The following SPAG7 variants were observed in gnomAD, a reference collection of about 807,000 sequenced individuals.
SPAG7 encodes sperm-associated antigen 7.
SPAG7 carries 20 observed loss-of-function variants against 30.6 expected under a neutral mutation model. The ratio of observed to expected loss-of-function variants is 0.65; its 90% CI spans 0.46 to 0.95. The LOEUF (loss-of-function observed/expected upper bound fraction) is 0.95, where lower values mean the gene tolerates loss of function less well. Ranked by LOEUF, SPAG7 falls within the 40% of genes least tolerant of loss-of-function variation. The pLI, the probability that SPAG7 is intolerant of heterozygous loss-of-function variation, is 0.00. For synonymous variants in SPAG7, 127 were observed against 104.2 expected, an observed-to-expected ratio of 1.22 and a Z score of -1.33; for missense variants, 276 against 291.1, an observed-to-expected ratio of 0.95 and a Z score of 0.38.
chr17:4,964,056 A>C (rs926486151), intron 1 of SPAG7, among the ~76,000 whole-genome samples: 1 of 151,894 alleles, frequency 6.6e-6, no homozygotes, highest in Non-Finnish European at 1.5e-5. Context: ...AGGTGGGAGG[A>C]TCACTTGAGG....
At chr17:4,967,286 T>C in intron 1 of SPAG7, 1 of 956,288 alleles carries the variant, frequency 1.0e-6, no homozygotes, top group Non-Finnish European at 1.3e-6. Flanking sequence ...CGAAGGAAGG[T>C]CGAACAGGCC....
intron 1 of SPAG7, among the ~76,000 whole-genome samples, chr17:4,962,130 T>A (rs908046989): frequency 7.9e-5 from 12 of 152,204 alleles, no homozygotes; most frequent in Non-Finnish European, 1.5e-5. Context: ...TTATTTATTT[T>A]TGAGATGGAG....
At chr17:4,962,247 G>A (rs562302742) in intron 1 of SPAG7, among the ~76,000 whole-genome samples, 20 of 152,286 alleles carry the variant, frequency 1.3e-4, no homozygotes, top group Admixed American at 3.9e-4. Flanking sequence ...CCAAGTAGCT[G>A]GGATTACAGG....
chr17:4,966,630 T>A, intron 1 of SPAG7: 3 of 985,502 alleles, frequency 3.0e-6, no homozygotes, highest in Non-Finnish European at 3.6e-6. Context: ...TCACTGCAGA[T>A]TGGGGGAGAA....
chr17:4,961,282 C>T (rs1426300057), intron 1 of SPAG7, among the ~76,000 whole-genome samples: 2 of 151,820 alleles, frequency 1.3e-5, no homozygotes, highest in Non-Finnish European at 2.9e-5. Flanking sequence ...CATGGTGAAA[C>T]CCCATCTCTA....
chr17:4,959,251 G>T lies in SPAG7; in HGVS notation c.*283C>A, dbSNP rs1971815637. 1.9e-6 allele frequency: 1 copy of T among 517,384 alleles called. No homozygotes were observed. Among genetic ancestry groups the T allele is most frequent in the East Asian group, 3.2e-5 (1 of 31,224 alleles). The allele number at this position is 517,384 out of a possible 1,614,324, so 32.0% of individuals were successfully genotyped here. On this transcript the variant is annotated 3_prime_UTR_variant, in exon 7 of 7. Transcript: ENST00000206020. Reference sequence around the variant, plus strand: ...TTGGGTTAAACAGTATTTATTGAATGTAAAGTACCCCAGCCCCATGGGGAA... The same window carrying T: ...TTGGGTTAAACAGTATTTATTGAATTTAAAGTACCCCAGCCCCATGGGGAA...
intron 1 of SPAG7, among the ~76,000 whole-genome samples, chr17:4,961,356 C>T (rs1182661441): frequency 6.6e-6 from 1 of 151,520 alleles, no homozygotes; most frequent in Non-Finnish European, 1.5e-5. Flanking sequence ...ACTGGGGAGG[C>T]TGAGGCAGGA....
chr17:4,967,659 G>T (rs1597717235), intron 1 of SPAG7, 61 bp downstream of exon 1: 1 of 1,300,890 alleles, frequency 7.7e-7, no homozygotes, highest in Non-Finnish European at 1.1e-6. Flanking sequence ...CGTCCAAAGA[G>T]GGAGAAGTAT....
At chr17:4,960,924 G>A in intron 1 of SPAG7, 71 bp from the exon 2 acceptor site, 3 of 1,322,092 alleles carry the variant, frequency 2.3e-6, no homozygotes, top group Non-Finnish European at 3.3e-6. Context: ...AAGGCTTCAA[G>A]TGAAGTGTGG....
Position 4,959,836 on chromosome 17 carries a change from C to A in SPAG7, c.498G>T (p.Lys166Asn). The change falls in exon 6 of 7, where the codon AAG becomes AAT. Residue 166 changes from lysine to asparagine, a missense_variant. Lys to Asn is a moderately conservative substitution (Grantham distance 94). Coordinates refer to ENST00000206020, the MANE Select transcript of SPAG7 (RefSeq NM_004890.3). ...CTCCCTTGCCGATGAGGTGGCTGTA[C>A]TTGTCCTTGTAGTCGCTGGCAGGGC... ...VVSPASDYKDKYSHLIGKGAA... is the reference protein window; with the variant it reads ...VVSPASDYKDNYSHLIGKGAA... The A allele has an allele frequency of 6.8e-6, 11 of 1,614,154 alleles. No individual in the cohort carries two copies. The highest frequency in any genetic ancestry group is 9.3e-6 in the Non-Finnish European group (11 of 1,180,034).
chr17:4,965,045 G>A (rs1454266538), intron 1 of SPAG7, among the ~76,000 whole-genome samples: 1 of 152,190 alleles, frequency 6.6e-6, no homozygotes. Context: ...GAGTAGCTGG[G>A]ATCACAGGCA....
intron 1 of SPAG7, 123 bp downstream of exon 1, chr17:4,967,597 A>T: frequency 1.3e-6 from 1 of 752,026 alleles, no homozygotes; most frequent in Non-Finnish European, 2.3e-6. Flanking sequence ...AGGGACTCTG[A>T]GGGTCTCGGA....
chr17:4,966,914 C>T (rs1275028947), intron 1 of SPAG7: 8 of 985,416 alleles, frequency 8.1e-6, no homozygotes, highest in Non-Finnish European at 9.6e-6. Context: ...TCAAGGTCCG[C>T]AGGTTTGGGA....
Position 4,965,418 on chromosome 17 carries a change from T to C in SPAG7, c.85+2302A>G, listed in dbSNP as rs74366359. Reference sequence around the variant, plus strand: ...ATGCTTTTCCTCCTCTTGCAAACATTGAGATCTACCGTGAGTCAGTTACTT... The same window carrying C: ...ATGCTTTTCCTCCTCTTGCAAACATCGAGATCTACCGTGAGTCAGTTACTT... On this transcript the variant is annotated intron_variant, in intron 1 of 6. Transcript: ENST00000206020. Among the ~76,000 whole-genome samples, 336 of 152,112 alleles carry C rather than the reference T, an allele frequency of 2.2e-3. 3 individuals carry two copies. Among genetic ancestry groups the C allele is most frequent in the East Asian group, 0.021 (109 of 5,180 alleles).
chr17:4,959,884 G>A lies in SPAG7; in HGVS notation c.450C>T (p.Ala150=). The change falls in exon 6 of 7, where the codon GCC becomes GCT. Residue 150 remains alanine (A), a synonymous_variant. Transcript: ENST00000206020. ...GGCTCACCACCACAGGCCCCTGCTG[G>A]GCTGCCTCCTCCTCTTGCCTCTGGG... is the stretch of plus-strand genomic sequence containing the variant. ...ELAQRQEEEA[A]QQGPVVVSPA... is the part of the protein sequence containing the mutation. 6.2e-7 allele frequency: 1 copy of A among 1,613,726 alleles called. No homozygotes were observed. Among genetic ancestry groups the A allele is most frequent in the Non-Finnish European group, 8.5e-7 (1 of 1,180,010 alleles).
chr17:4,959,602 C>A lies in SPAG7; in HGVS notation c.616G>T (p.Ala206Ser), dbSNP rs371263244. ...TTCTTGGCTCTGATCTCATTCATAG[C>A]CTCTTCAATGGAGCGTGTGTCCCTC... is the stretch of plus-strand genomic sequence containing the variant. ...NKRDTRSIEEAMNEIRAKKRL... is the reference protein window; with the variant it reads ...NKRDTRSIEESMNEIRAKKRL... Residue 206 changes from alanine (A) to serine (S), a missense_variant, in exon 7 of 7, where the codon GCT becomes TCT. Physicochemically the swap from Ala to Ser is moderately conservative, Grantham distance 99. Transcript: ENST00000206020. 1 of 1,614,180 alleles carries A rather than the reference C, an allele frequency of 6.2e-7. No homozygotes were observed. The highest frequency in any genetic ancestry group is 8.5e-7 in the Non-Finnish European group (1 of 1,180,030).
At position 4,959,586 on chromosome 17, in the gene SPAG7, C is replaced by G; in HGVS notation, c.632G>C (p.Arg211Thr). 1 of 1,614,146 alleles carries G rather than the reference C, an allele frequency of 6.2e-7. No individual in the cohort carries two copies. The highest frequency in any genetic ancestry group is 8.5e-7 in the Non-Finnish European group (1 of 1,180,040). ...RSIEEAMNEI[R>T]AKKRLRQSGE... ...ACTCTGCCGCAGACGCTTCTTGGCT[C>G]TGATCTCATTCATAGCCTCTTCAAT... The change falls in exon 7 of 7, where the codon AGA becomes ACA. Residue 211 changes from arginine to threonine, a missense_variant. Arg to Thr is a moderately conservative substitution (Grantham distance 71, BLOSUM62 -1). Transcript: ENST00000206020.
intron 1 of SPAG7, among the ~76,000 whole-genome samples, chr17:4,964,888 A>G (rs1416095454): frequency 6.6e-6 from 1 of 151,680 alleles, no homozygotes; most frequent in African/African-American, 2.4e-5. Context: ...GGTGTGAACC[A>G]CCACACCCGG....
In SPAG7 at chr17:4,963,184, G is replaced by A. The variant is rs142084168; in HGVS notation, c.86-2331C>T. Among the ~76,000 whole-genome samples the A allele has an allele frequency of 3.1e-3, 471 of 152,216 alleles. 2 individuals are homozygous for A. The highest frequency in any genetic ancestry group is 6.8e-3 in the Middle Eastern group (2 of 294). ...AAGGTGGGAGGACTGCTTGAGGCCAGGAGCTCCAGACCAGTGCAGGCAATA... is the reference window on the plus strand; with the variant it reads ...AAGGTGGGAGGACTGCTTGAGGCCAAGAGCTCCAGACCAGTGCAGGCAATA... On this transcript the variant is annotated intron_variant, in intron 1 of 6. Transcript: ENST00000206020.
Sources: allele counts gnomAD v4.1 joint callset (sites outside exome capture counted in the v4.1 genomes callset), GRCh38; gene constraint gnomAD v4.1.1; transcripts MANE v1.5; gene names NCBI Gene and HGNC (gene_info 2026-07-23, HGNC 2026-07-21).